The following ZNF148 variants were observed in gnomAD, a reference collection of about 807,000 sequenced individuals.
The protein encoded by ZNF148 is zinc finger protein 148, also known as Beta-Enolase Repressor Factor-1.
In ZNF148, 7 loss-of-function variants were observed where a neutral mutation model predicts 67.7. The observed-to-expected ratio is 0.10, with a 90% confidence interval of 0.06 to 0.19. ZNF148 has a LOEUF of 0.19. Among genes scored for constraint, ZNF148 ranks in the 10% least tolerant of loss-of-function variants. The pLI is 1.00. For missense variants in ZNF148, 583 were observed against 947.1 expected (o/e 0.62, Z 5.05); for synonymous variants, 333 against 330.7 (o/e 1.01, Z -0.08).
At chr3:125,252,637 G>A (rs1417919810) in intron 7 of ZNF148, among the ~76,000 whole-genome samples, 7 of 151,840 alleles carry the variant, frequency 4.6e-5, no homozygotes, top group Non-Finnish European at 1.0e-4. Context: ...GGGTGGTGGC[G>A]CATGCCTGTA....
In ZNF148 at chr3:125,261,844, T is replaced by TTA. The variant is rs1560122381; in HGVS notation, c.667+15881_667+15882insTA. The stretch of plus-strand genomic sequence containing the variant: ...TGACAAGTTTTTTTTTTTTTTTTTT[T>TTA]AACACAAAGGGCCACAGAGTAAATA... On this transcript the variant is annotated intron_variant, in intron 7 of 8. Coordinates refer to ENST00000360647, the MANE Select transcript of ZNF148 (RefSeq NM_021964.3). 5.3e-5 allele frequency among the ~76,000 whole-genome samples: 8 copies of TTA among 150,520 alleles called. No individual in the cohort carries two copies. In the South Asian group the frequency reaches 1.3e-3, roughly 24 times the overall value.
At chr3:125,303,801 G>A (rs891987406) in intron 4 of ZNF148, among the ~76,000 whole-genome samples, 2 of 151,742 alleles carry the variant, frequency 1.3e-5, no homozygotes, top group South Asian at 2.1e-4. Context: ...CACCCCATTC[G>A]TGGAAAAACT....
intron 7 of ZNF148, among the ~76,000 whole-genome samples, chr3:125,241,340 G>C (rs1002758234): frequency 1.3e-5 from 2 of 149,536 alleles, no homozygotes; most frequent in Non-Finnish European, 3.0e-5. Flanking sequence ...TTTAAAGACA[G>C]GGTCTCGCTA....
intron 3 of ZNF148, among the ~76,000 whole-genome samples, chr3:125,317,167 T>C (rs1265936369): frequency 3.9e-5 from 6 of 152,210 alleles, no homozygotes; most frequent in Non-Finnish European, 1.5e-5. Flanking sequence ...AAGGCATATA[T>C]TTGGAGTTAA....
chr3:125,233,433 A>G lies in ZNF148; in HGVS notation c.1293T>C (p.Asp431=). The G allele has an allele frequency of 6.2e-7, 1 of 1,613,962 alleles. No individual in the cohort carries two copies. The highest frequency in any genetic ancestry group is 8.5e-7 in the Non-Finnish European group (1 of 1,179,928). ...KVSKYAFELV[D]KQALLDSEGN... ...CTTCTGAGTCCAGTAAAGCCTGTTT[A>G]TCCACAAGTTCAAAAGCATACTTTG... Residue 431 remains aspartate, a synonymous_variant, in exon 9 of 9, where the codon GAT becomes GAC. Coordinates refer to ENST00000360647, the MANE Select transcript of ZNF148 (RefSeq NM_021964.3). This position sits in a 1 kb window ranked among gnomAD's most constrained non-coding sequence, Gnocchi z 5.1.
At chr3:125,290,672 T>C (rs1349991061) in intron 4 of ZNF148, among the ~76,000 whole-genome samples, 2 of 152,180 alleles carry the variant, frequency 1.3e-5, no homozygotes, top group African/African-American at 2.4e-5. Flanking sequence ...TTGTAATATG[T>C]GCAAAGTGCC....
At chr3:125,320,150 T>C (rs1940705305) in intron 3 of ZNF148, among the ~76,000 whole-genome samples, 1 of 152,228 alleles carries the variant, frequency 6.6e-6, no homozygotes, top group Non-Finnish European at 1.5e-5. Context: ...TGTGTTTAAA[T>C]GTATCTTCTT....
chr3:125,341,772 A>G (rs1462750445), intron 1 of ZNF148, among the ~76,000 whole-genome samples: 1 of 152,116 alleles, frequency 6.6e-6, no homozygotes, highest in Non-Finnish European at 1.5e-5. Context: ...AGGCAGGTGG[A>G]TTACGTGAGC....
intron 3 of ZNF148, among the ~76,000 whole-genome samples, chr3:125,319,012 C>T (rs937958186): frequency 6.6e-6 from 1 of 152,108 alleles, no homozygotes; most frequent in Admixed American, 6.5e-5. Flanking sequence ...CCAACCCCCC[C>T]ACACACCTAA....
intron 7 of ZNF148, among the ~76,000 whole-genome samples, chr3:125,266,172 C>T (rs1034848282): frequency 6.6e-6 from 1 of 152,070 alleles, no homozygotes; most frequent in African/African-American, 2.4e-5. Context: ...AGGCAGAAAA[C>T]TAACACAGAA....
At chr3:125,272,662 T>C (rs1937815383) in intron 7 of ZNF148, among the ~76,000 whole-genome samples, 1 of 152,152 alleles carries the variant, frequency 6.6e-6, no homozygotes, top group African/African-American at 2.4e-5. Context: ...TTTAATTATA[T>C]ACATATATAC....
In ZNF148 at chr3:125,279,139, C is replaced by T. The variant is rs138118078; in HGVS notation, c.568G>A (p.Val190Ile). 1 of 1,602,248 alleles carries T rather than the reference C, an allele frequency of 6.2e-7. No individual in the cohort carries two copies. The highest frequency in any genetic ancestry group is 8.5e-7 in the Non-Finnish European group (1 of 1,174,682). Residue 190 changes from valine to isoleucine, a missense_variant, in exon 6 of 9, where the codon GTC (valine) becomes ATC (isoleucine). Physicochemically the swap from Val to Ile is conservative, Grantham distance 29. Coordinates refer to ENST00000360647, the MANE Select transcript of ZNF148 (RefSeq NM_021964.3). ...CAAGAAATACCTGTATGAATGAAGA[C>T]ATGTCTCTGTAAGTGATAGTTCGTT... ...FRTNYHLQRH[V>I]FIHTGEKPFQ...
intron 1 of ZNF148, chr3:125,344,919 AT>A (rs59010306): frequency 0.085 from 13,142 of 155,472 alleles, 649 homozygotes; most frequent in Non-Finnish European, 0.099. Context: ...GCCTGAGTAG[AT>A]TTTTTTTTTA....
At chr3:125,331,673 TA>T (rs1479029694) in intron 1 of ZNF148, among the ~76,000 whole-genome samples, 1 of 152,196 alleles carries the variant, frequency 6.6e-6, no homozygotes, top group Non-Finnish European at 1.5e-5. Context: ...TGAAAAAATC[TA>T]AATATATTAA....
intron 4 of ZNF148, 65 bp downstream of exon 4, chr3:125,313,243 C>T (rs1940313617): frequency 1.5e-6 from 2 of 1,331,996 alleles, no homozygotes; most frequent in Non-Finnish European, 2.1e-6. Context: ...TCTTCGATGA[C>T]TTGCAGTATT....
intron 1 of ZNF148, among the ~76,000 whole-genome samples, chr3:125,366,756 C>T (rs1942716006): frequency 6.6e-6 from 1 of 152,172 alleles, no homozygotes; most frequent in African/African-American, 2.4e-5. Flanking sequence ...CTTCTCACCT[C>T]CAAGCCTTTG....
At position 125,275,948 on chromosome 3, in the gene ZNF148, A is replaced by G. The variant is rs569320580; in HGVS notation, c.667+1778T>C. ...AGCACATGTGTCTCTTCCTCAGGGC[A>G]CAATAGTATCTTGAGAATTTTGTAT... is the stretch of plus-strand genomic sequence containing the variant. On this transcript the variant is annotated intron_variant, in intron 7 of 8. Coordinates refer to ENST00000360647, the MANE Select transcript of ZNF148 (RefSeq NM_021964.3). 2.7e-4 allele frequency among the ~76,000 whole-genome samples: 41 copies of G among 152,340 alleles called. No homozygotes were observed. In the South Asian group the frequency reaches 2.7e-3, roughly 10 times the overall value.
intron 2 of ZNF148, among the ~76,000 whole-genome samples, chr3:125,326,806 A>G (rs78977875): frequency 0.035 from 5,137 of 147,318 alleles, 290 homozygotes; most frequent in African/African-American, 0.12. Flanking sequence ...ATCTTTTTAT[A>G]TATGTAAAGA....
intron 1 of ZNF148, among the ~76,000 whole-genome samples, chr3:125,355,793 A>C (rs1382231548): frequency 1.3e-5 from 2 of 152,160 alleles, no homozygotes; most frequent in Non-Finnish European, 2.9e-5. Flanking sequence ...GCCTAATGAA[A>C]ACATTAATTA....
Sources: gnomAD v4.1 joint callset for allele counts (sites outside exome capture counted in the v4.1 genomes callset) on GRCh38, gnomAD v4.1.1 for gene constraint, Gnocchi (gnomAD v3.1) non-coding constraint, MANE v1.5 for transcripts, NCBI Gene and HGNC (gene_info 2026-07-23, HGNC 2026-07-21) for gene names.